MYL9: variants seen among roughly 807,000 people sequenced by gnomAD.
The protein encoded by MYL9 is myosin regulatory light polypeptide 9.
In MYL9, 7 loss-of-function variants were observed where a neutral mutation model predicts 12.8. The observed-to-expected ratio is 0.55, with a 90% CI of 0.31 to 1.03. The LOEUF is 1.03. Among genes scored for constraint, MYL9 ranks in the 50% least tolerant of loss-of-function variants. MYL9 has a pLI of 0.05. For synonymous variants in MYL9, 81 were observed against 87.8 expected (o/e 0.92, Z 0.43); for missense variants, 190 against 242.7 (o/e 0.78, Z 1.44).
chr20:36,549,320 T>C lies in MYL9; in HGVS notation c.*71T>C. On this transcript the variant is annotated 3_prime_UTR_variant, in exon 4 of 4. Transcript: ENST00000279022. ...CCCGCACACACCCGTCCATACCAGC[T>C]CCCTGCCCATGACCCTCGCTCAGGG... 8.0e-7 allele frequency: 1 copy of C among 1,250,618 alleles called. No homozygotes were observed. The highest frequency in any genetic ancestry group is 1.1e-6 in the Non-Finnish European group (1 of 931,622). The allele number at this position is 1,250,618 out of a possible 1,614,324, so 77.5% of individuals were successfully genotyped here. A position where few individuals can be genotyped will look rare whatever the true frequency, so the allele number is the denominator to read the frequency against.
intron 2 of MYL9, among the ~76,000 whole-genome samples, chr20:36,546,310 C>A (rs2038099302): frequency 6.6e-6 from 1 of 152,220 alleles, no homozygotes; most frequent in South Asian, 2.1e-4. Context: ...AGACCAGACA[C>A]TGCCTGGGGG....
intron 1 of MYL9, among the ~76,000 whole-genome samples, chr20:36,542,245 C>T (rs1254320149): frequency 3.3e-5 from 5 of 152,164 alleles, no homozygotes; most frequent in Non-Finnish European, 7.4e-5. Flanking sequence ...CTGCTCTTCC[C>T]AGCCCTCCAG....
intron 2 of MYL9, among the ~76,000 whole-genome samples, chr20:36,546,652 T>G (rs557110627): frequency 5.3e-5 from 8 of 151,748 alleles, no homozygotes; most frequent in African/African-American, 1.9e-4. Context: ...TCTCACTCTG[T>G]TGCCCAGGCT....
In MYL9 at chr20:36,550,402, A is replaced by T. The variant is rs1437399705; in HGVS notation, c.*1153A>T. On this transcript the variant is annotated 3_prime_UTR_variant, in exon 4 of 4. Coordinates refer to ENST00000279022, the MANE Select transcript of MYL9 (RefSeq NM_006097.5). ...CTACTGGTGGATGATGGGGACACTGATGGCAGTGCCTGGGGCCTAAGAGGG... is the reference window on the plus strand; with the variant it reads ...CTACTGGTGGATGATGGGGACACTGTTGGCAGTGCCTGGGGCCTAAGAGGG... 6.5e-6 allele frequency: 1 copy of T among 152,726 alleles called. No homozygotes were observed. The highest frequency in any genetic ancestry group is 1.5e-5 in the Non-Finnish European group (1 of 68,534). The allele number at this position is 152,726 out of a possible 1,614,324, so 9.5% of individuals were successfully genotyped here. A position where few individuals can be genotyped will look rare whatever the true frequency, so the allele number is the denominator to read the frequency against.
At position 36,551,068 on chromosome 20, in the gene MYL9, C is replaced by G. The variant is rs1013953116; in HGVS notation, c.*1819C>G. The G allele has an allele frequency of 2.0e-5, 3 of 152,636 alleles. No individual in the cohort carries two copies. Among genetic ancestry groups the G allele is most frequent in the Non-Finnish European group, 4.4e-5 (3 of 68,390 alleles). The allele number at this position is 152,636 out of a possible 1,614,324, so 9.5% of individuals were successfully genotyped here. A position where few individuals can be genotyped will look rare whatever the true frequency, so the allele number is the denominator to read the frequency against. On this transcript the variant is annotated 3_prime_UTR_variant, in exon 4 of 4. Transcript: ENST00000279022. ...GCATTTCTGGAAGGAGGCAAGGACGCGTCATCTAGATGTCAAGCCCCAGCG... is the reference window on the plus strand; with the variant it reads ...GCATTTCTGGAAGGAGGCAAGGACGGGTCATCTAGATGTCAAGCCCCAGCG...
chr20:36,548,253 T>TG, intron 3 of MYL9, 60 bp downstream of exon 3: 3 of 1,539,046 alleles, frequency 1.9e-6, no homozygotes, highest in Non-Finnish European at 1.8e-6. Context: ...AGGCATTCAG[T>TG]GCCTCTGCCC....
intron 3 of MYL9, among the ~76,000 whole-genome samples, 162 bp downstream of exon 3, chr20:36,548,355 A>G (rs116745881): frequency 0.019 from 2,849 of 152,296 alleles, 95 homozygotes; most frequent in African/African-American, 0.065. Context: ...CGCAAAGGCT[A>G]GGCCAGAACA....
At chr20:36,545,095 G>C in intron 2 of MYL9, 27 bp downstream of exon 2, 1 of 1,610,184 alleles carries the variant, frequency 6.2e-7, no homozygotes, top group South Asian at 1.1e-5. Context: ...ACAGGGGTGA[G>C]ATGGATGAGG....
intron 1 of MYL9, among the ~76,000 whole-genome samples, chr20:36,542,569 T>A (rs1373983301): frequency 6.6e-6 from 1 of 152,120 alleles, no homozygotes; most frequent in Non-Finnish European, 1.5e-5. Context: ...CACAGAGCCC[T>A]TTCCCACTCC....
In MYL9 at chr20:36,546,562, G is replaced by A. The variant is rs117161762; in HGVS notation, c.185-1470G>A. On this transcript the variant is annotated intron_variant, in intron 2 of 3. Transcript: ENST00000279022. ...CCTCTCCCCGCTTCTGGCCAGGCTC[G>A]CTTGAAGGCTCCCTCCCCCAGGAGG... 6.1e-3 allele frequency among the ~76,000 whole-genome samples: 933 copies of A among 152,166 alleles called. 6 individuals are homozygous for A. The highest frequency in any genetic ancestry group is 9.9e-3 in the Non-Finnish European group (672 of 67,986).
intron 1 of MYL9, among the ~76,000 whole-genome samples, chr20:36,542,771 C>T (rs1355015035): frequency 1.3e-5 from 2 of 152,250 alleles, no homozygotes; most frequent in East Asian, 3.8e-4. Context: ...ATGGGGGCAC[C>T]CCTGCCTCCG....
At position 36,549,269 on chromosome 20, in the gene MYL9, A is replaced by AACCCC; in HGVS notation, c.*20_*21insACCCC. On this transcript the variant is annotated 3_prime_UTR_variant, in exon 4 of 4. Coordinates refer to ENST00000279022, the MANE Select transcript of MYL9 (RefSeq NM_006097.5). ...GACTAGGCCACCCCAGCCCCCTGAC[A>AACCCC]CCCCAGCCCCCGCCAGTCACCCCTC... 1 of 1,482,140 alleles carries AACCCC rather than the reference A, an allele frequency of 6.7e-7. No homozygotes were observed. The highest frequency in any genetic ancestry group is 9.0e-7 in the Non-Finnish European group (1 of 1,109,694). The allele number at this position is 1,482,140 out of a possible 1,614,324, so 91.8% of individuals were successfully genotyped here. A position where few individuals can be genotyped will look rare whatever the true frequency, so the allele number is the denominator to read the frequency against.
intron 3 of MYL9, among the ~76,000 whole-genome samples, 184 bp from the exon 4 acceptor site, chr20:36,548,893 C>T (rs1180785589): frequency 6.6e-6 from 1 of 152,172 alleles, no homozygotes; most frequent in Non-Finnish European, 1.5e-5. Context: ...GGATCCGACA[C>T]CCCTTCACGT....
Position 36,549,407 on chromosome 20 carries a change from G to A in MYL9, c.*158G>A, listed in dbSNP as rs1351229503. The A allele has an allele frequency of 1.8e-5, 12 of 666,572 alleles. No individual in the cohort carries two copies. Among genetic ancestry groups the A allele is most frequent in the East Asian group, 2.7e-5 (1 of 36,366 alleles). 41.3% of individuals were successfully genotyped at this position (666,572 alleles called of 1,614,324 possible). ...GGAAGAAACAGGCCAGGAGAAGTGC[G>A]TGCCGAGCTGAGGCAGATGTTCCCA... On this transcript the variant is annotated 3_prime_UTR_variant, in exon 4 of 4. Transcript: ENST00000279022.
Position 36,541,529 on chromosome 20 carries a change from A to T in MYL9, c.-59A>T, listed in dbSNP as rs997650631. 6.5e-6 allele frequency: 1 copy of T among 152,820 alleles called. No homozygotes were observed. The highest frequency in any genetic ancestry group is 1.5e-5 in the Non-Finnish European group (1 of 68,804). 9.5% of individuals were successfully genotyped at this position (152,820 alleles called of 1,614,324 possible). ...CCCGACGGCCGGCCCAGTTCCACGC[A>T]CCCAGCGAGCCCAAGCGCCTTCTCC... is the stretch of plus-strand genomic sequence containing the variant. On this transcript the variant is annotated 5_prime_UTR_variant, in exon 1 of 4. Coordinates refer to ENST00000279022, the MANE Select transcript of MYL9 (RefSeq NM_006097.5).
At chr20:36,546,396 T>C (rs1375521959) in intron 2 of MYL9, among the ~76,000 whole-genome samples, 2 of 152,156 alleles carry the variant, frequency 1.3e-5, no homozygotes, top group Non-Finnish European at 2.9e-5. Context: ...AGTCAGTCCC[T>C]GGTAGGGCCC....
intron 1 of MYL9, among the ~76,000 whole-genome samples, chr20:36,542,987 A>G (rs566634667): frequency 4.8e-4 from 73 of 152,312 alleles, no homozygotes; most frequent in Middle Eastern, 6.8e-3. Context: ...AGTGATGGCC[A>G]TCACAGCCTC....
Position 36,547,932 on chromosome 20 carries a change from C to T in MYL9, c.185-100C>T, listed in dbSNP as rs145665572. On this transcript the variant is annotated intron_variant, in intron 2 of 3. Coordinates refer to ENST00000279022, the MANE Select transcript of MYL9 (RefSeq NM_006097.5). ...AAAACCCACTACCTCCCGTCTCACA[C>T]GGAGCGGTGAAGGGCAGGGGTGGGG... The T allele has an allele frequency of 6.3e-5, 86 of 1,354,980 alleles. No individual in the cohort carries two copies. The African/African-American group carries it at 1.0e-3, about 16-fold the overall frequency. The allele number at this position is 1,354,980 out of a possible 1,614,324, so 83.9% of individuals were successfully genotyped here. A position where few individuals can be genotyped will look rare whatever the true frequency, so the allele number is the denominator to read the frequency against.
At chr20:36,543,473 G>A (rs1035100053) in intron 1 of MYL9, among the ~76,000 whole-genome samples, 2 of 152,192 alleles carry the variant, frequency 1.3e-5, no homozygotes, top group Admixed American at 6.5e-5. Context: ...AGAGGGAAGA[G>A]GGGCCGCAGT....
Sources: allele counts gnomAD v4.1 joint callset (sites outside exome capture counted in the v4.1 genomes callset), GRCh38; gene constraint gnomAD v4.1.1; transcripts MANE v1.5; gene names NCBI Gene and HGNC (gene_info 2026-07-23, HGNC 2026-07-21).